RANBP2: variants seen among roughly 807,000 people sequenced by gnomAD.
The protein encoded by RANBP2 is RAN binding protein 2.
In RANBP2, 57 loss-of-function variants were observed where a neutral mutation model predicts 303.6. The ratio of observed to expected loss-of-function variants is 0.19; its 90% CI spans 0.15 to 0.23. RANBP2 has a LOEUF of 0.23. Ranked by LOEUF, RANBP2 falls within the 10% of genes least tolerant of loss-of-function variation. The pLI, the probability that RANBP2 is intolerant of heterozygous loss-of-function variation, is 1.00. For missense variants in RANBP2, 3,138 were observed against 3,780.8 expected (o/e 0.83, Z 4.46); for synonymous variants, 1,167 against 1,301.5 (o/e 0.90, Z 2.23).
At chr2:108,951,151 A>G in the RANBP2 span, among the ~76,000 whole-genome samples, 2 of 152,244 alleles carry the variant, frequency 1.3e-5, no homozygotes, top group Admixed American at 1.3e-4. Flanking sequence ...ATGTAGCTTG[A>G]AGCCTTTTTT....
chr2:108,966,653 T>C, the RANBP2 span, among the ~76,000 whole-genome samples: 1 of 152,188 alleles, frequency 6.6e-6, no homozygotes, highest in African/African-American at 2.4e-5. Context: ...AACACTACTG[T>C]GTTTGGCTAT....
chr2:109,238,955 G>A, the RANBP2 span, among the ~76,000 whole-genome samples: 1 of 152,210 alleles, frequency 6.6e-6, no homozygotes, highest in African/African-American at 2.4e-5. Flanking sequence ...GGGCCCTTCA[G>A]TTGGCTTTTC....
chr2:109,651,783 C>T, the RANBP2 span, among the ~76,000 whole-genome samples: 34 of 152,304 alleles, frequency 2.2e-4, 2 homozygotes, highest in East Asian at 6.6e-3. Flanking sequence ...TTGTGTCCTG[C>T]ATGACTGTTT....
the RANBP2 span, among the ~76,000 whole-genome samples, chr2:109,779,426 CTG>C: frequency 2.5e-5 from 2 of 79,888 alleles, no homozygotes; most frequent in African/African-American, 4.5e-5. Context: ...AGCATGGAGT[CTG>C]TGTGGAGAGA....
chr2:108,969,126 T>C, the RANBP2 span, among the ~76,000 whole-genome samples: 1 of 152,280 alleles, frequency 6.6e-6, no homozygotes, highest in East Asian at 1.9e-4. Context: ...GAGAATTGGA[T>C]TCAACAAGGG....
At chr2:109,272,490 T>C in the RANBP2 span, among the ~76,000 whole-genome samples, 1 of 152,180 alleles carries the variant, frequency 6.6e-6, no homozygotes, top group East Asian at 1.9e-4. Flanking sequence ...GGAGCCCCCT[T>C]CGCCTCTAAC....
the RANBP2 span, among the ~76,000 whole-genome samples, chr2:109,049,341 C>T: frequency 6.6e-6 from 1 of 152,196 alleles, no homozygotes; most frequent in Non-Finnish European, 1.5e-5. Flanking sequence ...CTCCCTAGCA[C>T]TATTTTGCTA....
chr2:109,619,591 T>G, the RANBP2 span, among the ~76,000 whole-genome samples: 1 of 152,178 alleles, frequency 6.6e-6, no homozygotes, highest in Non-Finnish European at 1.5e-5. Context: ...CCCACTGTGA[T>G]GGCTGCTGGG....
At chr2:109,499,852 C>CTTAT in the RANBP2 span, among the ~76,000 whole-genome samples, 1 of 152,166 alleles carries the variant, frequency 6.6e-6, no homozygotes. Context: ...GGCAACATAA[C>CTTAT]TGACATTTGC....
chr2:109,201,667 C>T, the RANBP2 span, among the ~76,000 whole-genome samples: 1 of 152,210 alleles, frequency 6.6e-6, no homozygotes. Context: ...AAGTGTCTGC[C>T]CACTTCTCCA....
At chr2:109,595,222 A>G in the RANBP2 span, among the ~76,000 whole-genome samples, 3 of 152,182 alleles carry the variant, frequency 2.0e-5, no homozygotes, top group Non-Finnish European at 4.4e-5. Flanking sequence ...TTCCAACACA[A>G]AATGACACTT....
chr2:108,783,333 TAAAAAAAAAAAAAA>T (rs71381992), intron 28 of RANBP2, among the ~76,000 whole-genome samples: 2 of 41,456 alleles, frequency 4.8e-5, no homozygotes, highest in East Asian at 5.9e-4. Context: ...AGCCTGTCAT[TAAAAAAAAAAAAAA>T]AAAAAAAAAA....
At chr2:109,162,414 T>A in the RANBP2 span, among the ~76,000 whole-genome samples, 1 of 152,188 alleles carries the variant, frequency 6.6e-6, no homozygotes, top group Non-Finnish European at 1.5e-5. Context: ...TTTATTTATT[T>A]TTAATTTTTT....
At chr2:109,175,444 G>A in the RANBP2 span, among the ~76,000 whole-genome samples, 1 of 152,212 alleles carries the variant, frequency 6.6e-6, no homozygotes, top group African/African-American at 2.4e-5. Context: ...TGTGTAACCA[G>A]GAAGCTTCAC....
downstream of RANBP2, among the ~76,000 whole-genome samples, chr2:108,786,314 T>G (rs826555): frequency 0.26 from 38,327 of 149,516 alleles, 5,303 homozygotes; most frequent in African/African-American, 0.35. Context: ...AAGATAGATG[T>G]AACTCTCAGG....
At chr2:109,047,752 T>A in the RANBP2 span, among the ~76,000 whole-genome samples, 2 of 152,244 alleles carry the variant, frequency 1.3e-5, no homozygotes, top group Non-Finnish European at 2.9e-5. Flanking sequence ...GGAGGTGTAG[T>A]GAGCTGAGAT....
chr2:108,956,999 A>G, the RANBP2 span, among the ~76,000 whole-genome samples: 6 of 152,248 alleles, frequency 3.9e-5, no homozygotes, highest in Non-Finnish European at 8.8e-5. Context: ...CACGTTGGTC[A>G]GACTGGTGTC....
the RANBP2 span, among the ~76,000 whole-genome samples, chr2:109,403,102 TAGAA>T: frequency 6.5e-3 from 989 of 152,282 alleles, 10 homozygotes; most frequent in African/African-American, 0.023. Flanking sequence ...TGTCTTAAAA[TAGAA>T]AGGAAGCGTG....
chr2:108,765,144 A>G lies in RANBP2; in HGVS notation c.4605A>G (p.Gly1535=). Residue 1535 remains glycine, a synonymous_variant, in exon 20 of 29, where the codon GGA becomes GGG. Transcript: ENST00000283195. ...TSETSKTLKS[G]FEDMFAKKEG... is the part of the protein sequence containing the mutation. ...AGACAAGTAAAACTCTAAAAAGTGG[A>G]TTTGAAGACATGTTTGCTAAGAAGG... The G allele has an allele frequency of 6.2e-7, 1 of 1,613,938 alleles. No homozygotes were observed. Among genetic ancestry groups the G allele is most frequent in the Non-Finnish European group, 8.5e-7 (1 of 1,179,928 alleles).
Sources: gnomAD v4.1 joint callset for allele counts (sites outside exome capture counted in the v4.1 genomes callset) on GRCh38, gnomAD v4.1.1 for gene constraint, MANE v1.5 for transcripts, NCBI Gene and HGNC (gene_info 2026-07-23, HGNC 2026-07-21) for gene names.